CUBN: variants seen among roughly 807,000 people sequenced by gnomAD.
CUBN encodes 460 kDa receptor.
CUBN carries 282 observed loss-of-function variants against 405.3 expected under a neutral mutation model. The ratio of observed to expected loss-of-function variants is 0.70; its 90% CI spans 0.63 to 0.77. The LOEUF (loss-of-function observed/expected upper bound fraction) is 0.77. Among genes scored for constraint, CUBN ranks in the 30% least tolerant of loss-of-function variants. The probability of loss-of-function intolerance (pLI) is 0.00; values close to 1 mark genes in which losing one functional copy is unlikely to be tolerated. For missense variants in CUBN, 4,514 were observed against 4,475.2 expected (o/e 1.01, Z -0.25); for synonymous variants, 1,684 against 1,617.0 (o/e 1.04, Z -0.99).
intron 33 of CUBN, among the ~76,000 whole-genome samples, chr10:16,950,570 C>T (rs748933651): frequency 6.6e-6 from 1 of 152,092 alleles, no homozygotes; most frequent in East Asian, 1.9e-4. Flanking sequence ...ATGAATGAGG[C>T]GGATTTGCAC....
intron 59 of CUBN, among the ~76,000 whole-genome samples, chr10:16,860,657 G>C (rs1010848350): frequency 1.3e-5 from 2 of 152,104 alleles, no homozygotes; most frequent in African/African-American, 4.8e-5. Context: ...TTTTCTATTT[G>C]AATAGTGGTG....
At chr10:17,035,355 T>C (rs982266408) in intron 27 of CUBN, among the ~76,000 whole-genome samples, 40 of 152,192 alleles carry the variant, frequency 2.6e-4, no homozygotes, top group African/African-American at 9.7e-4. Flanking sequence ...TGTCTAATTT[T>C]AAGGCTGTGA....
chr10:17,107,067 A>G (rs1176900837), intron 10 of CUBN, among the ~76,000 whole-genome samples: 1 of 152,182 alleles, frequency 6.6e-6, no homozygotes, highest in East Asian at 1.9e-4. Flanking sequence ...GGTCAAAAGG[A>G]ATTTGAAATG....
chr10:16,873,834 CTCTT>C (rs1232161077), intron 58 of CUBN, among the ~76,000 whole-genome samples: 1 of 151,950 alleles, frequency 6.6e-6, no homozygotes, highest in Non-Finnish European at 1.5e-5. Flanking sequence ...CACATTTTGA[CTCTT>C]TATGTGTGTG....
chr10:17,030,685 G>A (rs1045574053), intron 27 of CUBN, among the ~76,000 whole-genome samples: 1 of 152,142 alleles, frequency 6.6e-6, no homozygotes, highest in Non-Finnish European at 1.5e-5. Flanking sequence ...TTGGGAAGCC[G>A]AGGTGTGTGG....
At position 16,928,292 on chromosome 10, in the gene CUBN, A is replaced by C. The variant is rs1425767211; in HGVS notation, c.6136T>G (p.Leu2046Val). Residue 2046 changes from leucine to valine, a missense_variant, in exon 41 of 67, where the codon TTG becomes GTG. Coordinates refer to ENST00000377833, the MANE Select transcript of CUBN (RefSeq NM_001081.4). The stretch of plus-strand genomic sequence containing the variant: ...CAGAGAACTGCTAGCTGCTGGGCCA[A>C]GTTATTATCTCCTACGTTGAAAGAA... ...SLVIRDGDNN[L>V]AQQLAVLCGR... is the part of the protein sequence containing the mutation. The C allele has an allele frequency of 1.2e-6, 2 of 1,613,940 alleles. No homozygotes were observed. Among genetic ancestry groups the C allele is most frequent in the South Asian group, 1.1e-5 (1 of 91,082 alleles).
intron 45 of CUBN, among the ~76,000 whole-genome samples, chr10:16,918,306 TA>T (rs1841942817): frequency 6.6e-6 from 1 of 152,178 alleles, no homozygotes; most frequent in African/African-American, 2.4e-5. Flanking sequence ...AGTTTTAAAA[TA>T]GTTTTTTCTA....
chr10:17,122,596 T>A, intron 6 of CUBN, 199 bp downstream of exon 6: 1 of 632,488 alleles, frequency 1.6e-6, no homozygotes, highest in Non-Finnish European at 3.0e-6. Context: ...CTTCACGGGG[T>A]GAGAGTAAAG....
At chr10:16,990,925 T>G (rs780543934) in intron 28 of CUBN, among the ~76,000 whole-genome samples, 8 of 152,216 alleles carry the variant, frequency 5.3e-5, no homozygotes, top group Non-Finnish European at 1.2e-4. Flanking sequence ...TTCAGTGTCC[T>G]TGTAGCTAAT....
chr10:17,115,388 G>A (rs1260722089), intron 7 of CUBN, 83 bp downstream of exon 7: 2 of 1,563,416 alleles, frequency 1.3e-6, no homozygotes, highest in Non-Finnish European at 1.8e-6. Context: ...TCCAGGTAGT[G>A]CTTGTATGCA....
chr10:16,835,125 A>G lies in CUBN; in HGVS notation c.10251T>C (p.Asn3417=), dbSNP rs769211365. The change falls in exon 64 of 67, where the codon AAT becomes AAC. Residue 3417 remains asparagine, a synonymous_variant. Transcript: ENST00000377833. ...TGAGAGTAACGGTGCAATCCTTGTC[A>G]TTGTCGTAGTTATCTGGCCATCCAG... ...RSPGWPDNYD[N]DKDCTVTLTA... 3 of 1,614,048 alleles carry G rather than the reference A, an allele frequency of 1.9e-6. No individual in the cohort carries two copies. Among genetic ancestry groups the G allele is most frequent in the Admixed American group, 1.7e-5 (1 of 59,998 alleles).
chr10:16,941,680 CA>C (rs143399608), intron 36 of CUBN, among the ~76,000 whole-genome samples: 17,768 of 151,742 alleles, frequency 0.12, 2,237 homozygotes, highest in African/African-American at 0.29. Context: ...CCCCTCTCTA[CA>C]AAAAATAAAA....
chr10:17,031,653 T>C (rs911016067), intron 27 of CUBN, among the ~76,000 whole-genome samples: 75 of 152,358 alleles, frequency 4.9e-4, no homozygotes, highest in African/African-American at 1.8e-3. Flanking sequence ...TAGCATCCCA[T>C]GGTAGTCACC....
At chr10:16,829,342 G>GAAAAAAA (rs71287326) in intron 65 of CUBN, among the ~76,000 whole-genome samples, 14 of 121,140 alleles carry the variant, frequency 1.2e-4, no homozygotes, top group African/African-American at 3.4e-4. Flanking sequence ...GAGCAGAATG[G>GAAAAAAA]AAAAAAAAAA....
chr10:16,837,090 G>C (rs961116225), intron 62 of CUBN, among the ~76,000 whole-genome samples: 80 of 151,834 alleles, frequency 5.3e-4, no homozygotes, highest in Non-Finnish European at 9.7e-4. Flanking sequence ...GTAACTGCTC[G>C]GGGCTTCCAC....
At chr10:17,096,121 C>T (rs1330627560) in intron 14 of CUBN, among the ~76,000 whole-genome samples, 1 of 151,852 alleles carries the variant, frequency 6.6e-6, no homozygotes, top group Non-Finnish European at 1.5e-5. Flanking sequence ...TGGTGGTGGC[C>T]AGGAGCTGAG....
intron 31 of CUBN, among the ~76,000 whole-genome samples, chr10:16,977,846 C>G (rs2932904): frequency 6.6e-6 from 1 of 152,058 alleles, no homozygotes; most frequent in African/African-American, 2.4e-5. Flanking sequence ...GGGTTTGAAC[C>G]TGCAGCACTT....
chr10:17,066,463 G>A (rs183438997), intron 21 of CUBN, among the ~76,000 whole-genome samples: 5 of 151,918 alleles, frequency 3.3e-5, no homozygotes, highest in Non-Finnish European at 7.4e-5. Context: ...TGTTGAGTAC[G>A]GGAAATGGAT....
chr10:16,829,997 G>A (rs183201298), intron 65 of CUBN, among the ~76,000 whole-genome samples: 15 of 151,730 alleles, frequency 9.9e-5, no homozygotes, highest in East Asian at 7.8e-4. Context: ...GTGCAGTGGC[G>A]TGATCTCGGC....
Sources: gnomAD v4.1 joint callset for allele counts (sites outside exome capture counted in the v4.1 genomes callset) on GRCh38, gnomAD v4.1.1 for gene constraint, MANE v1.5 for transcripts, NCBI Gene and HGNC (gene_info 2026-07-23, HGNC 2026-07-21) for gene names.